ATP6V1H: variants seen among roughly 807,000 people sequenced by gnomAD.
ATP6V1H encodes ATPase H+ transporting V1 subunit H, also known as V-type proton ATPase subunit H.
A neutral mutation model predicts 71.7 loss-of-function variants in ATP6V1H; 39 were observed. That is an observed-to-expected ratio of 0.54 (90% CI 0.42 to 0.71). The LOEUF (loss-of-function observed/expected upper bound fraction) is 0.71. Among genes scored for constraint, ATP6V1H ranks in the 30% least tolerant of loss-of-function variants. The pLI is 0.00. For missense variants in ATP6V1H, 509 were observed against 594.9 expected (o/e 0.86, Z 1.50); for synonymous variants, 192 against 199.3 (o/e 0.96, Z 0.31).
intron 8 of ATP6V1H, 23 bp downstream of exon 8, chr8:53,801,774 TAC>T: frequency 1.3e-6 from 2 of 1,567,512 alleles, no homozygotes; most frequent in Non-Finnish European, 1.8e-6. Flanking sequence ...AATGTTATTT[TAC>T]ATTAAAAGGA....
intron 13 of ATP6V1H, among the ~76,000 whole-genome samples, chr8:53,737,668 C>T (rs1489759244): frequency 6.6e-6 from 1 of 152,196 alleles, no homozygotes; most frequent in Non-Finnish European, 1.5e-5. Context: ...AACACTTTGG[C>T]ACCTTTATGC....
chr8:53,750,165 G>A (rs1265944974), intron 12 of ATP6V1H, among the ~76,000 whole-genome samples: 3 of 152,066 alleles, frequency 2.0e-5, no homozygotes, highest in East Asian at 1.9e-4. Context: ...ATTTATTGAG[G>A]ACAAGTATTA....
intron 13 of ATP6V1H, among the ~76,000 whole-genome samples, chr8:53,730,739 C>T (rs941684463): frequency 2.0e-5 from 3 of 152,120 alleles, no homozygotes; most frequent in African/African-American, 7.2e-5. Flanking sequence ...AGCAGCTTTT[C>T]AGTAGTTAAA....
At chr8:53,803,565 A>T (rs946862458) in intron 7 of ATP6V1H, among the ~76,000 whole-genome samples, 2 of 152,222 alleles carry the variant, frequency 1.3e-5, no homozygotes, top group Admixed American at 1.3e-4. Context: ...CTTTAATACA[A>T]AAACAAAACA....
rs567548723 is a variant in ATP6V1H at position 53,815,274 on chromosome 8, A to C, written c.421-508T>G. On this transcript the variant is annotated intron_variant, in intron 5 of 13. Transcript: ENST00000359530. ...ACATAAACAAATATCCTTTCTCCTG[A>C]AAGATTTCTCCATTTTCTTCAAGCT... Among the ~76,000 whole-genome samples, 5 of 152,314 alleles carry C rather than the reference A, an allele frequency of 3.3e-5. No individual in the cohort carries two copies. In the East Asian group the frequency reaches 9.6e-4, roughly 29 times the overall value.
chr8:53,770,644 A>C (rs1808621591), intron 10 of ATP6V1H, among the ~76,000 whole-genome samples: 1 of 152,208 alleles, frequency 6.6e-6, no homozygotes, highest in African/African-American at 2.4e-5. Context: ...GCAAAAACAG[A>C]GAAAAGCCTC....
intron 7 of ATP6V1H, among the ~76,000 whole-genome samples, chr8:53,810,423 T>C (rs1429428627): frequency 2.0e-5 from 3 of 152,230 alleles, no homozygotes; most frequent in Non-Finnish European, 4.4e-5. Context: ...TATGTATTTA[T>C]GTAGAGCCTT....
chr8:53,835,435 G>A (rs1811127800), intron 2 of ATP6V1H, among the ~76,000 whole-genome samples: 1 of 152,152 alleles, frequency 6.6e-6, no homozygotes, highest in Non-Finnish European at 1.5e-5. Context: ...ACCTGAACTT[G>A]CATATGTCCT....
intron 13 of ATP6V1H, among the ~76,000 whole-genome samples, chr8:53,720,164 A>G (rs903188453): frequency 1.3e-5 from 2 of 152,162 alleles, no homozygotes; most frequent in African/African-American, 4.8e-5. Context: ...GTGACATTAA[A>G]TCTTTGCTTC....
In ATP6V1H at chr8:53,806,271, T is replaced by C. The variant is rs139031356; in HGVS notation, c.580-4375A>G. 2.2e-3 allele frequency among the ~76,000 whole-genome samples: 335 copies of C among 152,154 alleles called. 2 individuals carry two copies. The highest frequency in any genetic ancestry group is 7.8e-3 in the African/African-American group (325 of 41,534). Reference sequence around the variant, plus strand: ...CACTGGGAAAAATAAAAAAAAACTGTCATGACACTGAAATCAATTTCTACA... The same window carrying C: ...CACTGGGAAAAATAAAAAAAAACTGCCATGACACTGAAATCAATTTCTACA... On this transcript the variant is annotated intron_variant, in intron 7 of 13. Transcript: ENST00000359530.
At chr8:53,726,744 T>C (rs1469941135) in intron 13 of ATP6V1H, among the ~76,000 whole-genome samples, 1 of 152,186 alleles carries the variant, frequency 6.6e-6, no homozygotes, top group African/African-American at 2.4e-5. Flanking sequence ...TCAATAATGC[T>C]AATTCTCTTC....
intron 13 of ATP6V1H, among the ~76,000 whole-genome samples, chr8:53,725,588 G>A (rs1286925808): frequency 6.7e-6 from 1 of 148,366 alleles, no homozygotes; most frequent in Non-Finnish European, 1.5e-5. Flanking sequence ...AAAGATGAGT[G>A]GAAAGGCAGA....
intron 7 of ATP6V1H, among the ~76,000 whole-genome samples, chr8:53,803,075 G>C (rs1214788364): frequency 6.6e-6 from 1 of 152,174 alleles, no homozygotes; most frequent in Admixed American, 6.5e-5. Flanking sequence ...GGTGGCTCAC[G>C]CCTGTGATCC....
chr8:53,778,337 G>A (rs1808966883), intron 9 of ATP6V1H, among the ~76,000 whole-genome samples: 2 of 152,024 alleles, frequency 1.3e-5, no homozygotes, highest in African/African-American at 4.8e-5. Context: ...TTTATGTTGG[G>A]AACATTTGAA....
chr8:53,796,094 C>A (rs1361314809), intron 8 of ATP6V1H, among the ~76,000 whole-genome samples: 5 of 151,998 alleles, frequency 3.3e-5, no homozygotes, highest in Non-Finnish European at 7.4e-5. Flanking sequence ...AGAAAGGGAA[C>A]AAAGACTTGT....
chr8:53,820,286 G>GT (rs1810603876), intron 4 of ATP6V1H, among the ~76,000 whole-genome samples: 1 of 150,738 alleles, frequency 6.6e-6, no homozygotes, highest in Admixed American at 6.6e-5. Context: ...AGATAATAAG[G>GT]TTTAAAAAAA....
intron 7 of ATP6V1H, among the ~76,000 whole-genome samples, chr8:53,804,036 T>C (rs1161377759): frequency 1.3e-5 from 2 of 152,212 alleles, no homozygotes; most frequent in East Asian, 1.9e-4. Context: ...GATGGATTCT[T>C]GGTTGTTATT....
Position 53,780,891 on chromosome 8 carries a change from G to T in ATP6V1H, c.871-8724C>A, listed in dbSNP as rs1005299655. 3.9e-5 allele frequency among the ~76,000 whole-genome samples: 6 copies of T among 152,208 alleles called. No individual in the cohort carries two copies. The East Asian group carries it at 5.8e-4, about 15-fold the overall frequency. The stretch of plus-strand genomic sequence containing the variant: ...GAACTCATCATTTTTTATGGCTGCA[G>T]AGTATTCCATGGTGTATATGTGCCA... On this transcript the variant is annotated intron_variant, in intron 9 of 13. Transcript: ENST00000359530.
chr8:53,753,192 T>C (rs1254197868), intron 12 of ATP6V1H, among the ~76,000 whole-genome samples: 2 of 152,166 alleles, frequency 1.3e-5, no homozygotes, highest in Non-Finnish European at 2.9e-5. Context: ...GAAAGTAAGT[T>C]ATGCTGGTGA....
Sources: gnomAD v4.1 joint callset for allele counts (sites outside exome capture counted in the v4.1 genomes callset) on GRCh38, gnomAD v4.1.1 for gene constraint, MANE v1.5 for transcripts, NCBI Gene and HGNC (gene_info 2026-07-23, HGNC 2026-07-21) for gene names.